ADGRL3: variants seen among roughly 807,000 people sequenced by gnomAD.
The protein encoded by ADGRL3 is adhesion G protein-coupled receptor L3.
A neutral mutation model predicts 153.5 loss-of-function variants in ADGRL3; 62 were observed. The observed-to-expected ratio is 0.40, with a 90% confidence interval of 0.33 to 0.50. The LOEUF (loss-of-function observed/expected upper bound fraction) is 0.50, where lower values mean the gene tolerates loss of function less well. Ranked by LOEUF, ADGRL3 falls within the 20% of genes least tolerant of loss-of-function variation. The probability of loss-of-function intolerance (pLI) is 0.47; values close to 1 mark genes in which losing one functional copy is unlikely to be tolerated. For synonymous variants in ADGRL3, 710 were observed against 672.5 expected (o/e 1.06, Z -0.86); for missense variants, 1,641 against 1,859.4 (o/e 0.88, Z 2.16).
At chr4:61,826,689 G>A (rs1394536087) in intron 9 of ADGRL3, among the ~76,000 whole-genome samples, 2 of 152,028 alleles carry the variant, frequency 1.3e-5, no homozygotes, top group Non-Finnish European at 2.9e-5. Context: ...AAAAATGACT[G>A]TAGCTACACG....
At chr4:61,875,949 G>T (rs1561400339) in intron 9 of ADGRL3, among the ~76,000 whole-genome samples, 1 of 152,072 alleles carries the variant, frequency 6.6e-6, no homozygotes, top group Non-Finnish European at 1.5e-5. Context: ...ACTTTGGGAG[G>T]CCAAGGTGGG....
chr4:61,438,612 G>C (rs1016062803), intron 2 of ADGRL3, among the ~76,000 whole-genome samples: 1 of 151,800 alleles, frequency 6.6e-6, no homozygotes, highest in Admixed American at 6.6e-5. Flanking sequence ...CCTGGCATTC[G>C]TATAGTGCCT....
chr4:61,508,745 C>G (rs1336470081), intron 3 of ADGRL3, among the ~76,000 whole-genome samples: 1 of 152,034 alleles, frequency 6.6e-6, no homozygotes, highest in South Asian at 2.1e-4. Flanking sequence ...CCTCCTAGTT[C>G]CCAGTGTTTA....
At chr4:61,283,625 C>T (rs190757006) in intron 1 of ADGRL3, among the ~76,000 whole-genome samples, 36 of 152,064 alleles carry the variant, frequency 2.4e-4, no homozygotes, top group African/African-American at 8.4e-4. Flanking sequence ...ATTGTTTCTT[C>T]AGTTCTCCAA....
intron 19 of ADGRL3, among the ~76,000 whole-genome samples, chr4:61,985,341 G>A (rs1029619903): frequency 6.6e-6 from 1 of 151,932 alleles, no homozygotes; most frequent in Admixed American, 6.6e-5. Flanking sequence ...TTTTGAAGCA[G>A]AGGAACTTTT....
chr4:62,001,066 G>A (rs7685447), intron 21 of ADGRL3, among the ~76,000 whole-genome samples: 23,607 of 152,150 alleles, frequency 0.16, 2,182 homozygotes, highest in South Asian at 0.34. Context: ...TTACAGGCAT[G>A]AGCCACTGCA....
In ADGRL3 at chr4:61,919,522, G is replaced by GT. The variant is rs758609410; in HGVS notation, c.2112+6772dup. On this transcript the variant is annotated intron_variant, in intron 13 of 26. Coordinates refer to ENST00000683033, the MANE Select transcript of ADGRL3 (RefSeq NM_001387552.1). ...CTATCTACAAAACCAGAGTACTGTAGTTTTTTTCAGATAAAGAATGGTTAT... is the reference window on the plus strand; with the variant it reads ...CTATCTACAAAACCAGAGTACTGTAGTTTTTTTTCAGATAAAGAATGGTTAT... 2.6e-5 allele frequency among the ~76,000 whole-genome samples: 4 copies of GT among 152,094 alleles called. No homozygotes were observed. The South Asian group carries it at 6.2e-4, about 24-fold the overall frequency.
intron 5 of ADGRL3, among the ~76,000 whole-genome samples, chr4:61,632,850 G>C (rs913531491): frequency 3.3e-5 from 5 of 151,990 alleles, no homozygotes; most frequent in African/African-American, 1.2e-4. Flanking sequence ...GGATTGATGC[G>C]TTATATACAA....
chr4:61,720,233 G>A (rs917448716), intron 6 of ADGRL3, among the ~76,000 whole-genome samples: 1 of 151,766 alleles, frequency 6.6e-6, no homozygotes, highest in Non-Finnish European at 1.5e-5. Flanking sequence ...GGGACTACAG[G>A]CGCCCACCAC....
At chr4:62,022,773 G>A (rs1205512604) in intron 21 of ADGRL3, among the ~76,000 whole-genome samples, 2 of 150,478 alleles carry the variant, frequency 1.3e-5, no homozygotes, top group African/African-American at 4.9e-5. Context: ...TTAAGCCCAT[G>A]TTGAGACCTA....
At position 61,935,345 on chromosome 4, in the gene ADGRL3, C is replaced by T. The variant is rs575849224; in HGVS notation, c.2296+322C>T. ...TATTTAAAATTTCATCCTCTTAATA[C>T]AGGACTGTTAGGAGTTATTTCAGTT... On this transcript the variant is annotated intron_variant, in intron 14 of 26. Coordinates refer to ENST00000683033, the MANE Select transcript of ADGRL3 (RefSeq NM_001387552.1). Among the ~76,000 whole-genome samples the T allele has an allele frequency of 2.0e-5, 3 of 152,198 alleles. No homozygotes were observed. In the South Asian group the frequency reaches 6.2e-4, roughly 32 times the overall value.
At chr4:61,491,708 C>T (rs1436824586) in intron 2 of ADGRL3, among the ~76,000 whole-genome samples, 2 of 152,192 alleles carry the variant, frequency 1.3e-5, no homozygotes. Context: ...GCATGAGCCA[C>T]GATGCCTGTC....
At chr4:61,371,650 G>T (rs2096531316) in intron 1 of ADGRL3, among the ~76,000 whole-genome samples, 1 of 151,956 alleles carries the variant, frequency 6.6e-6, no homozygotes, top group Admixed American at 6.6e-5. Context: ...CTTTCTCTCT[G>T]GCTACCCTTA....
chr4:61,962,453 C>T (rs938392917), intron 17 of ADGRL3, among the ~76,000 whole-genome samples: 2 of 150,510 alleles, frequency 1.3e-5, no homozygotes, highest in African/African-American at 2.4e-5. Context: ...AAGGATCATA[C>T]GTTGCCTTCA....
At chr4:61,971,865 G>A (rs2099029134) in intron 17 of ADGRL3, among the ~76,000 whole-genome samples, 1 of 152,124 alleles carries the variant, frequency 6.6e-6, no homozygotes, top group Admixed American at 6.5e-5. Flanking sequence ...GGTGTGAGAT[G>A]GTATCTCATT....
chr4:61,512,102 C>G lies in ADGRL3; in HGVS notation c.56-5213C>G, dbSNP rs183474904. 5.6e-4 allele frequency among the ~76,000 whole-genome samples: 82 copies of G among 145,956 alleles called. No homozygotes were observed. The East Asian group carries it at 0.016, about 28-fold the overall frequency. ...AAAATAGTGGTCTCTTCTCTGCCCCCCAACCCTTCTCTTTCTTTCCCTTTT... is the reference window on the plus strand; with the variant it reads ...AAAATAGTGGTCTCTTCTCTGCCCCGCAACCCTTCTCTTTCTTTCCCTTTT... On this transcript the variant is annotated intron_variant, in intron 3 of 26. Transcript: ENST00000683033.
At chr4:61,375,714 A>G (rs948493401) in intron 1 of ADGRL3, among the ~76,000 whole-genome samples, 1 of 152,196 alleles carries the variant, frequency 6.6e-6, no homozygotes, top group Non-Finnish European at 1.5e-5. Context: ...ATTAATTAAT[A>G]TGCAATCTTT....
intron 2 of ADGRL3, among the ~76,000 whole-genome samples, chr4:61,418,486 C>T (rs975864353): frequency 4.6e-5 from 7 of 151,162 alleles, no homozygotes; most frequent in Non-Finnish European, 8.8e-5. Context: ...GTGTGCATTT[C>T]TTCTGTATCT....
At chr4:61,744,069 C>G (rs113425822) in intron 8 of ADGRL3, among the ~76,000 whole-genome samples, 2 of 152,210 alleles carry the variant, frequency 1.3e-5, no homozygotes, top group Admixed American at 6.5e-5. Context: ...TATCCCGCAC[C>G]TGGCTCGGAG....
Sources: gnomAD v4.1 joint callset for allele counts (sites outside exome capture counted in the v4.1 genomes callset) on GRCh38, gnomAD v4.1.1 for gene constraint, MANE v1.5 for transcripts, NCBI Gene and HGNC (gene_info 2026-07-23, HGNC 2026-07-21) for gene names.